The following KANSL1 variants were observed in gnomAD, a reference collection of about 807,000 sequenced individuals.
KANSL1 encodes the protein MLL1/MLL complex subunit KANSL1.
In KANSL1, 22 loss-of-function variants were observed where a neutral mutation model predicts 103.6. The ratio of observed to expected loss-of-function variants is 0.21; its 90% confidence interval spans 0.15 to 0.30. The LOEUF is 0.30. Ranked by LOEUF, KANSL1 falls within the 10% of genes least tolerant of loss-of-function variation. KANSL1 has a pLI of 1.00. For synonymous variants in KANSL1, 600 were observed against 527.6 expected (o/e 1.14, Z -1.88); for missense variants, 1,337 against 1,399.8 (o/e 0.96, Z 0.72).
intron 2 of KANSL1, among the ~76,000 whole-genome samples, chr17:46,107,190 CT>C (rs2042603332): frequency 6.6e-6 from 1 of 152,260 alleles, no homozygotes; most frequent in South Asian, 2.1e-4. Context: ...CAGGGAAGCA[CT>C]GCAGCAACAG....
intron 1 of KANSL1, among the ~76,000 whole-genome samples, chr17:46,206,103 A>G (rs2148001433): frequency 6.6e-6 from 1 of 152,020 alleles, no homozygotes; most frequent in African/African-American, 2.4e-5. Flanking sequence ...AAAAAAAAAA[A>G]AAGGAAAGAT....
At chr17:46,160,849 T>C (rs2045697185) in intron 2 of KANSL1, among the ~76,000 whole-genome samples, 2 of 152,346 alleles carry the variant, frequency 1.3e-5, no homozygotes, top group South Asian at 2.1e-4. Context: ...AAAAAGCTAG[T>C]GCTTATGCCC....
chr17:46,096,170 C>T (rs531584278), intron 2 of KANSL1, among the ~76,000 whole-genome samples: 69 of 147,680 alleles, frequency 4.7e-4, no homozygotes, highest in Admixed American at 8.4e-4. Flanking sequence ...GGCAGGGTCT[C>T]ACACTCTATC....
chr17:46,067,980 A>G (rs906951911), intron 4 of KANSL1, among the ~76,000 whole-genome samples: 1 of 151,914 alleles, frequency 6.6e-6, no homozygotes, highest in Non-Finnish European at 1.5e-5. Flanking sequence ...TGACAGAGAG[A>G]AGGAGAATAT....
At chr17:46,069,768 C>G (rs534267894) in intron 4 of KANSL1, among the ~76,000 whole-genome samples, 1 of 151,752 alleles carries the variant, frequency 6.6e-6, no homozygotes, top group Admixed American at 6.6e-5. Flanking sequence ...AAACAAAAAA[C>G]AAACAAAAAC....
intron 1 of KANSL1, among the ~76,000 whole-genome samples, chr17:46,189,082 AT>A (rs1390390117): frequency 2.8e-5 from 4 of 143,600 alleles, no homozygotes; most frequent in Non-Finnish European, 6.0e-5. Flanking sequence ...GCAAGGTTAT[AT>A]GCTCCCGTTG....
At chr17:46,134,976 G>T (rs1169885771) in intron 2 of KANSL1, among the ~76,000 whole-genome samples, 1 of 152,198 alleles carries the variant, frequency 6.6e-6, no homozygotes, top group Non-Finnish European at 1.5e-5. Flanking sequence ...AGACCAGTAG[G>T]GGTTGGAGTA....
intron 3 of KANSL1, among the ~76,000 whole-genome samples, chr17:46,087,891 C>T (rs961249519): frequency 6.6e-6 from 1 of 152,244 alleles, no homozygotes; most frequent in Non-Finnish European, 1.5e-5. Flanking sequence ...TTCTACTCCA[C>T]ACCTGTCATG....
intron 2 of KANSL1, among the ~76,000 whole-genome samples, chr17:46,113,571 A>G (rs1225451360): frequency 6.6e-6 from 1 of 152,174 alleles, no homozygotes; most frequent in African/African-American, 2.4e-5. Flanking sequence ...ACGGTAGATC[A>G]TGCTCAAAGA....
intron 1 of KANSL1, among the ~76,000 whole-genome samples, chr17:46,206,744 CA>C (rs1369899697): frequency 6.6e-6 from 1 of 152,286 alleles, no homozygotes; most frequent in African/African-American, 2.4e-5. Flanking sequence ...TAGAAGAAAA[CA>C]AAGCTAATCT....
In KANSL1 at chr17:46,165,508, A is replaced by G. The variant is rs112292817; in HGVS notation, c.1289+5347T>C. Among the ~76,000 whole-genome samples the G allele has an allele frequency of 5.1e-3, 762 of 148,676 alleles. 16 individuals are homozygous for G. The highest frequency in any genetic ancestry group is 0.018 in the African/African-American group (735 of 40,758). ...CAGCCTCCCAAAGTGCTGGGATTAC[A>G]GGTATTTTTATTTTTTTTTTGAGAC... On this transcript the variant is annotated intron_variant, in intron 2 of 14. Coordinates refer to ENST00000432791, the MANE Select transcript of KANSL1 (RefSeq NM_015443.4).
intron 2 of KANSL1, among the ~76,000 whole-genome samples, chr17:46,134,361 CACTACAGCCTGGGCAACAAGA>C: frequency 6.6e-6 from 1 of 152,000 alleles, no homozygotes; most frequent in Admixed American, 6.5e-5. Flanking sequence ...CGCGCCACTG[CACTACAGCCTGGGCAACAAGA>C]ACAAAACTCC....
At chr17:46,097,801 CAA>C (rs1447964632) in intron 2 of KANSL1, among the ~76,000 whole-genome samples, 1 of 151,102 alleles carries the variant, frequency 6.6e-6, no homozygotes, top group Non-Finnish European at 1.5e-5. Flanking sequence ...CCCATAGGGG[CAA>C]AATACAAAAT....
chr17:46,107,240 G>A (rs2042606778), intron 2 of KANSL1, among the ~76,000 whole-genome samples: 2 of 152,196 alleles, frequency 1.3e-5, no homozygotes, highest in African/African-American at 4.8e-5. Context: ...ATAATAGGAA[G>A]CCAGAGGAAA....
At chr17:46,139,990 T>C (rs889204055) in intron 2 of KANSL1, among the ~76,000 whole-genome samples, 6 of 152,218 alleles carry the variant, frequency 3.9e-5, no homozygotes, top group Non-Finnish European at 7.3e-5. Flanking sequence ...TTCTATTTTT[T>C]ACTACACCAA....
At chr17:46,193,664 C>T (rs1311441348), upstream of KANSL1, 2 of 309,084 alleles carry the variant, frequency 6.5e-6, no homozygotes, top group Admixed American at 7.8e-5. Context: ...CGGCGCCCGG[C>T]CCCAGCTGCC....
At chr17:46,094,922 G>A (rs1315768453) in intron 2 of KANSL1, among the ~76,000 whole-genome samples, 1 of 152,188 alleles carries the variant, frequency 6.6e-6, no homozygotes, top group Non-Finnish European at 1.5e-5. Context: ...CTGCGTTCTA[G>A]CATCCTGATC....
intron 6 of KANSL1, among the ~76,000 whole-genome samples, chr17:46,060,304 T>C (rs190435453): frequency 1.5e-3 from 235 of 152,348 alleles, no homozygotes; most frequent in African/African-American, 5.6e-3. Flanking sequence ...TGTGGAAAGA[T>C]TTTCAAAGGT....
intron 10 of KANSL1, chr17:46,034,683 GC>G: frequency 5.0e-6 from 1 of 198,640 alleles, no homozygotes. Context: ...ACTCATAGTG[GC>G]CCCTCCCCTA....
Sources: allele counts gnomAD v4.1 joint callset (sites outside exome capture counted in the v4.1 genomes callset), GRCh38; gene constraint gnomAD v4.1.1; transcripts MANE v1.5; gene names NCBI Gene and HGNC (gene_info 2026-07-23, HGNC 2026-07-21).